Variants in TXLNB observed in about 807,000 individuals in gnomAD.
The protein encoded by TXLNB is beta-taxilin.
In TXLNB, 37 loss-of-function variants were observed where a neutral mutation model predicts 57.4. The observed-to-expected ratio is 0.64, with a 90% CI of 0.50 to 0.85. The LOEUF is 0.85. Among genes scored for constraint, TXLNB ranks in the 40% least tolerant of loss-of-function variants. The pLI is 0.00. For missense variants in TXLNB, 848 were observed against 825.6 expected (o/e 1.03, Z -0.33); for synonymous variants, 302 against 309.6 (o/e 0.98, Z 0.26).
At chr6:139,287,886 A>G (rs1372534630) in intron 2 of TXLNB, among the ~76,000 whole-genome samples, 1 of 151,942 alleles carries the variant, frequency 6.6e-6, no homozygotes, top group Non-Finnish European at 1.5e-5. Context: ...TTTTCTCTAT[A>G]CTTACAGCTC....
chr6:139,166,806 C>T, the TXLNB span: 12 of 1,613,750 alleles, frequency 7.4e-6, no homozygotes, highest in Non-Finnish European at 1.0e-5. Context: ...GCCCGTTCCC[C>T]CGGTGGCTCC....
chr6:139,189,873 T>C, the TXLNB span, among the ~76,000 whole-genome samples: 3 of 152,204 alleles, frequency 2.0e-5, no homozygotes, highest in Admixed American at 6.5e-5. Flanking sequence ...GGATTCCATG[T>C]AAATGTCACT....
At position 139,243,007 on chromosome 6, in the gene TXLNB, G is replaced by T. The variant is rs758070024; in HGVS notation, c.1574C>A (p.Pro525His). 1.4e-5 allele frequency: 22 copies of T among 1,614,100 alleles called. No homozygotes were observed. The highest frequency in any genetic ancestry group is 1.8e-5 in the Non-Finnish European group (21 of 1,180,020). The change falls in exon 10 of 10, where the codon CCC (proline) becomes CAC (histidine). Residue 525 changes from proline to histidine, a missense_variant. Coordinates refer to ENST00000358430, the MANE Select transcript of TXLNB (RefSeq NM_153235.4). ...STPHQSKETQ[P>H]EIGSSQESAD... Reference sequence around the variant, plus strand: ...ACTCTCCTGAGAACTGCCTATTTCGGGTTGGGTTTCTTTGGACTGGTGCGG... The same window carrying T: ...ACTCTCCTGAGAACTGCCTATTTCGTGTTGGGTTTCTTTGGACTGGTGCGG...
the TXLNB span, among the ~76,000 whole-genome samples, chr6:139,210,308 C>T: frequency 2.0e-5 from 3 of 152,158 alleles, no homozygotes; most frequent in Non-Finnish European, 4.4e-5. Flanking sequence ...ATGGAGATCC[C>T]TTAAAGAACA....
chr6:139,274,268 A>C (rs1362447770), intron 3 of TXLNB, among the ~76,000 whole-genome samples: 1 of 152,214 alleles, frequency 6.6e-6, no homozygotes, highest in African/African-American at 2.4e-5. Context: ...AGTGAGCTAG[A>C]GTGGCAGTTT....
chr6:139,319,588 C>A, the TXLNB span, among the ~76,000 whole-genome samples: 1 of 151,646 alleles, frequency 6.6e-6, no homozygotes, highest in African/African-American at 2.4e-5. Flanking sequence ...ATAGGGAGAA[C>A]CCATCTCTAC....
At chr6:139,166,964 A>T in the TXLNB span, 1 of 1,614,174 alleles carries the variant, frequency 6.2e-7, no homozygotes, top group Non-Finnish European at 8.5e-7. Flanking sequence ...CCATGTGTTC[A>T]GAAATGCCCA....
the TXLNB span, among the ~76,000 whole-genome samples, chr6:139,171,245 G>A: frequency 2.0e-5 from 3 of 152,268 alleles, no homozygotes; most frequent in African/African-American, 7.2e-5. Context: ...AAAAAGGAAG[G>A]AGGATATGAT....
At chr6:139,193,844 T>A in the TXLNB span, among the ~76,000 whole-genome samples, 13,383 of 51,492 alleles carry the variant, frequency 0.26, 791 homozygotes, top group Admixed American at 0.32. Context: ...ATATATATTT[T>A]TTTTTTTTTT....
the TXLNB span, among the ~76,000 whole-genome samples, chr6:139,220,623 G>C: frequency 4.7e-4 from 71 of 152,222 alleles, no homozygotes; most frequent in East Asian, 0.011. Flanking sequence ...CTCCTTCTAG[G>C]GTTGGCGTTA....
the TXLNB span, among the ~76,000 whole-genome samples, chr6:139,234,035 C>T: frequency 6.6e-6 from 1 of 152,198 alleles, no homozygotes; most frequent in Non-Finnish European, 1.5e-5. Flanking sequence ...GTAAAGGTCA[C>T]TCTTGCTATG....
chr6:139,166,564 C>G, the TXLNB span: 1 of 1,614,226 alleles, frequency 6.2e-7, no homozygotes, highest in Non-Finnish European at 8.5e-7. Flanking sequence ...GCCAGGGCCA[C>G]TTGAAGAAGG....
the TXLNB span, chr6:139,166,847 A>G: frequency 3.0e-5 from 49 of 1,613,770 alleles, no homozygotes; most frequent in Non-Finnish European, 3.9e-5. Context: ...GGGCTACTCC[A>G]TCCTCTCTCC....
the TXLNB span, among the ~76,000 whole-genome samples, chr6:139,212,318 A>G: frequency 2.0e-5 from 3 of 152,154 alleles, no homozygotes; most frequent in Non-Finnish European, 2.9e-5. Flanking sequence ...AGTGGGGGCC[A>G]ATATTCAACA....
the TXLNB span, among the ~76,000 whole-genome samples, chr6:139,209,378 A>G: frequency 2.0e-5 from 3 of 152,202 alleles, no homozygotes; most frequent in Middle Eastern, 3.2e-3. Flanking sequence ...GCCAAAAGCA[A>G]TCTACAGATT....
At chr6:139,290,302 C>T (rs1214403978) in intron 1 of TXLNB, among the ~76,000 whole-genome samples, 2 of 152,110 alleles carry the variant, frequency 1.3e-5, no homozygotes, top group Non-Finnish European at 2.9e-5. Flanking sequence ...ATTGCTTGAA[C>T]TTGGGAGGCG....
intron 3 of TXLNB, among the ~76,000 whole-genome samples, chr6:139,271,058 G>A (rs928857725): frequency 1.3e-5 from 2 of 152,072 alleles, no homozygotes; most frequent in African/African-American, 4.8e-5. Context: ...CTTGAAACAA[G>A]CTTCTAGCGC....
the TXLNB span, among the ~76,000 whole-genome samples, chr6:139,233,493 G>A: frequency 6.6e-6 from 1 of 151,534 alleles, no homozygotes; most frequent in Non-Finnish European, 1.5e-5. Flanking sequence ...GCTAGATACA[G>A]TGGCAGGAAC....
chr6:139,182,617 T>G, the TXLNB span, among the ~76,000 whole-genome samples: 1 of 152,206 alleles, frequency 6.6e-6, no homozygotes, highest in East Asian at 1.9e-4. Context: ...CTTTTCTTCT[T>G]TTTCTGTTCT....
Sources: allele counts gnomAD v4.1 joint callset (sites outside exome capture counted in the v4.1 genomes callset), GRCh38; gene constraint gnomAD v4.1.1; transcripts MANE v1.5; gene names NCBI Gene and HGNC (gene_info 2026-07-23, HGNC 2026-07-21).